The following ZNG1A variants were observed in gnomAD, a reference collection of about 807,000 sequenced individuals.
ZNG1A encodes the protein zinc-regulated GTPase metalloprotein activator 1A.
At chr9:176,277 T>C in the ZNG1A span, among the ~76,000 whole-genome samples, 74 of 140,028 alleles carry the variant, frequency 5.3e-4, 1 homozygote, top group Non-Finnish European at 9.0e-4. Flanking sequence ...ACCCAATATG[T>C]CAATCTCCAG....
At chr9:158,386 A>G in the ZNG1A span, among the ~76,000 whole-genome samples, 2 of 151,732 alleles carry the variant, frequency 1.3e-5, 1 homozygote, top group African/African-American at 4.8e-5. Flanking sequence ...GAATGATCCT[A>G]TAGTACTGAA....
At chr9:153,256 G>A in the ZNG1A span, 1 of 151,640 alleles carries the variant, frequency 6.6e-6, no homozygotes, top group African/African-American at 2.4e-5. Flanking sequence ...AGAGAAACAA[G>A]ATTAGAAGAC....
the ZNG1A span, chr9:163,974 T>G: frequency 1.9e-6 from 3 of 1,593,440 alleles, no homozygotes; most frequent in African/African-American, 4.2e-5. Flanking sequence ...GTTTTTTAAC[T>G]TACCATCAAG....
the ZNG1A span, among the ~76,000 whole-genome samples, chr9:164,990 C>G: frequency 9.2e-5 from 14 of 152,010 alleles, no homozygotes; most frequent in Admixed American, 7.9e-4. Context: ...GATTTTTTTC[C>G]CAAAAACTTA....
At chr9:178,657 G>C in the ZNG1A span, among the ~76,000 whole-genome samples, 6 of 108,896 alleles carry the variant, frequency 5.5e-5, 2 homozygotes, top group East Asian at 1.4e-3. Flanking sequence ...CCCAAGATGA[G>C]AGGCAACCCA....
chr9:127,554 T>C, the ZNG1A span, among the ~76,000 whole-genome samples: 2 of 152,258 alleles, frequency 1.3e-5, no homozygotes, highest in Non-Finnish European at 2.9e-5. Context: ...CCCTTTACCT[T>C]AAGTTTATGT....
the ZNG1A span, among the ~76,000 whole-genome samples, chr9:128,733 T>G: frequency 6.6e-6 from 1 of 150,390 alleles, no homozygotes; most frequent in African/African-American, 2.5e-5. Context: ...TGGGATTTTT[T>G]GGGGGGTGTT....
At chr9:143,097 C>T in the ZNG1A span, among the ~76,000 whole-genome samples, 1 of 144,126 alleles carries the variant, frequency 6.9e-6, no homozygotes, top group South Asian at 2.4e-4. Context: ...AGATTCACAG[C>T]TGAATTCTAC....
the ZNG1A span, chr9:172,470 AAACC>A: frequency 0.047 from 12,428 of 265,158 alleles, 415 homozygotes; most frequent in African/African-American, 0.098. Context: ...AAATTTTTAA[AAACC>A]AACATACAAA....
the ZNG1A span, among the ~76,000 whole-genome samples, chr9:124,559 A>G: frequency 1.0e-5 from 1 of 98,938 alleles, no homozygotes; most frequent in Non-Finnish European, 2.0e-5. Flanking sequence ...GCAGAAACAT[A>G]TGAGACATTT....
chr9:161,822 C>T, the ZNG1A span, among the ~76,000 whole-genome samples: 1 of 151,744 alleles, frequency 6.6e-6, no homozygotes, highest in East Asian at 1.9e-4. Context: ...AGCCAAAAGA[C>T]CAAGAAGCGA....
the ZNG1A span, among the ~76,000 whole-genome samples, chr9:156,178 T>C: frequency 6.9e-6 from 1 of 145,390 alleles, no homozygotes; most frequent in Non-Finnish European, 1.5e-5. Flanking sequence ...TATAAAATCT[T>C]CAATCCCAAA....
At chr9:174,030 C>T in the ZNG1A span, among the ~76,000 whole-genome samples, 1 of 151,588 alleles carries the variant, frequency 6.6e-6, no homozygotes, top group Admixed American at 6.6e-5. Flanking sequence ...GCCTGTAGTC[C>T]CAGCTACTCA....
At chr9:130,116 C>T in the ZNG1A span, among the ~76,000 whole-genome samples, 4 of 151,100 alleles carry the variant, frequency 2.6e-5, no homozygotes, top group African/African-American at 4.9e-5. Context: ...CGCTGTTATG[C>T]GGTGCATGAC....
chr9:131,665 T>C, the ZNG1A span, among the ~76,000 whole-genome samples: 1 of 147,288 alleles, frequency 6.8e-6, no homozygotes, highest in East Asian at 2.0e-4. Context: ...CCTTCTTTTC[T>C]TTCTGATCCA....
the ZNG1A span, among the ~76,000 whole-genome samples, chr9:135,753 A>C: frequency 2.6e-5 from 3 of 117,312 alleles, no homozygotes; most frequent in East Asian, 6.7e-4. Flanking sequence ...AGTAACAGCA[A>C]GTTTAGGAAA....
At chr9:166,796 G>A in the ZNG1A span, 1 of 151,874 alleles carries the variant, frequency 6.6e-6, no homozygotes, top group African/African-American at 2.4e-5. Flanking sequence ...CAGAATTATT[G>A]ACAAAAAGAA....
At chr9:151,316 G>A in the ZNG1A span, 1 of 982,528 alleles carries the variant, frequency 1.0e-6, no homozygotes, top group African/African-American at 1.8e-5. Flanking sequence ...TAAGGCCTCT[G>A]CTGTACTTCC....
At chr9:163,974 T>C in the ZNG1A span, 1 of 1,593,522 alleles carries the variant, frequency 6.3e-7, no homozygotes, top group Non-Finnish European at 8.5e-7. Context: ...GTTTTTTAAC[T>C]TACCATCAAG....
Sources: allele counts gnomAD v4.1 joint callset (sites outside exome capture counted in the v4.1 genomes callset), GRCh38; gene constraint gnomAD v4.1.1; transcripts MANE v1.5; gene names NCBI Gene and HGNC (gene_info 2026-07-23, HGNC 2026-07-21).